JAKMIP1: variants seen among roughly 807,000 people sequenced by gnomAD.
JAKMIP1 encodes the protein janus kinase and microtubule-interacting protein 1.
In JAKMIP1, 33 loss-of-function variants were observed where a neutral mutation model predicts 113.0. The ratio of observed to expected loss-of-function variants is 0.29; its 90% confidence interval spans 0.22 to 0.39. JAKMIP1 has a LOEUF of 0.39. JAKMIP1 is among the 10% of genes least tolerant of loss of function. The pLI is 1.00. For synonymous variants in JAKMIP1, 480 were observed against 459.9 expected, an observed-to-expected ratio of 1.04 and a Z score of -0.56; for missense variants, 813 against 1,080.5, an observed-to-expected ratio of 0.75 and a Z score of 3.47.
intron 1 of JAKMIP1, among the ~76,000 whole-genome samples, chr4:6,118,443 G>A (rs909293144): frequency 3.9e-5 from 6 of 152,152 alleles, no homozygotes; most frequent in Non-Finnish European, 7.3e-5. Flanking sequence ...CAAGGGGCAT[G>A]TGGTGTCAGA....
In JAKMIP1 at chr4:6,148,090, G is replaced by A. The variant is rs112762825; in HGVS notation, c.-147-35093C>T. 3.1e-3 allele frequency among the ~76,000 whole-genome samples: 470 copies of A among 152,278 alleles called. 3 individuals carry two copies. The highest frequency in any genetic ancestry group is 0.011 in the African/African-American group (447 of 41,560). On this transcript the variant is annotated intron_variant, in intron 1 of 20. Transcript: ENST00000409021. ...ACTAAGCAGGTGCTCAGAGAATAGC[G>A]AGTGCAGAAGTGAAAATTAGGCCTG...
chr4:6,074,406 C>A (rs1384557651), intron 8 of JAKMIP1, among the ~76,000 whole-genome samples: 1 of 152,172 alleles, frequency 6.6e-6, no homozygotes, highest in Non-Finnish European at 1.5e-5. Flanking sequence ...CTGGAAAGTT[C>A]TGGAACTTTC....
intron 8 of JAKMIP1, among the ~76,000 whole-genome samples, chr4:6,071,782 C>T (rs2108804361): frequency 6.6e-6 from 1 of 152,282 alleles, no homozygotes; most frequent in African/African-American, 2.4e-5. Flanking sequence ...GCATGTGGTC[C>T]AGGACACAGC....
At position 6,183,666 on chromosome 4, in the gene JAKMIP1, C is replaced by A. The variant is rs541195071; in HGVS notation, c.-148+16587G>T. 1.3e-5 allele frequency among the ~76,000 whole-genome samples: 2 copies of A among 152,026 alleles called. No individual in the cohort carries two copies. The highest frequency in any genetic ancestry group is 4.2e-4 in the South Asian group (2 of 4,816). On this transcript the variant is annotated intron_variant, in intron 1 of 20. Coordinates refer to ENST00000409021, the MANE Select transcript of JAKMIP1 (RefSeq NM_001099433.2). This position sits in a 1 kb window ranked among gnomAD's most constrained non-coding sequence, Gnocchi z 5.3. ...GCAACAGATGCTTGACTTCTTTTTT[C>A]TAGGTGTAATAATTTTAAACTGTGA...
At chr4:6,053,905 AAAAAG>A in intron 13 of JAKMIP1, 140 bp downstream of exon 13, 5 of 1,534,706 alleles carry the variant, frequency 3.3e-6, no homozygotes, top group Non-Finnish European at 3.5e-6. Flanking sequence ...ATTTAAAAAA[AAAAAG>A]AAAGAAAGAA....
rs1291392423 is a variant in JAKMIP1 at position 6,085,307 on chromosome 4, T to C, written c.834+113A>G. On this transcript the variant is annotated intron_variant, in intron 4 of 20. Transcript: ENST00000409021. ...AACATCCCCTCCAATACTGAGTGAA[T>C]GAATGAATGAGTGAATACATGCCAC... The C allele has an allele frequency of 8.5e-5, 76 of 892,888 alleles. 1 individual carries two copies. Among genetic ancestry groups the C allele is most frequent in the Non-Finnish European group, 1.3e-4 (75 of 593,392 alleles). 55.3% of individuals were successfully genotyped at this position (892,888 alleles called of 1,614,324 possible). A position where few individuals can be genotyped will look rare whatever the true frequency, so the allele number is the denominator to read the frequency against.
intron 8 of JAKMIP1, among the ~76,000 whole-genome samples, chr4:6,071,410 G>A (rs748078510): frequency 7.2e-5 from 11 of 152,106 alleles, no homozygotes; most frequent in Non-Finnish European, 1.0e-4. Flanking sequence ...CCCTCCCCAC[G>A]GGGCCTGAAG....
In JAKMIP1 at chr4:6,089,085, C is replaced by A. The variant is rs945801222; in HGVS notation, c.625-3456G>T. On this transcript the variant is annotated intron_variant, in intron 3 of 20. Transcript: ENST00000409021. This position sits in a 1 kb window ranked among gnomAD's most constrained non-coding sequence, Gnocchi z 5.3. ...TTTTCTTTAGGAGCTAAGAAAGGGA[C>A]TCTGGGCTGTGTGGTGTGAGAATGT... Among the ~76,000 whole-genome samples the A allele has an allele frequency of 2.0e-5, 3 of 152,172 alleles. No homozygotes were observed. Among genetic ancestry groups the A allele is most frequent in the Non-Finnish European group, 4.4e-5 (3 of 68,036 alleles).
In JAKMIP1 at chr4:6,061,175, T is replaced by A. The variant is rs1717225401; in HGVS notation, c.1561-668A>T. 6.6e-6 allele frequency among the ~76,000 whole-genome samples: 1 copy of A among 152,202 alleles called. No homozygotes were observed. Among genetic ancestry groups the A allele is most frequent in the Non-Finnish European group, 1.5e-5 (1 of 68,032 alleles). On this transcript the variant is annotated intron_variant, in intron 10 of 20. Transcript: ENST00000409021. The surrounding 1 kb of genome is among the most constrained non-coding windows in gnomAD (Gnocchi z 5.3). ...TTCAAGAGAGGTCAGGAACCTGGAT[T>A]TCTCTATAGAATCTCTTGATTTTTA...
intron 4 of JAKMIP1, 118 bp downstream of exon 4, chr4:6,085,302 G>GTAAA: frequency 1.2e-6 from 1 of 814,328 alleles, no homozygotes; most frequent in Non-Finnish European, 1.9e-6. Context: ...CCAATACTGA[G>GTAAA]TGAATGAATG....
chr4:6,044,329 T>G lies in JAKMIP1; in HGVS notation c.2029-2102A>C, dbSNP rs1205938361. Among the ~76,000 whole-genome samples, 1 of 152,208 alleles carries G rather than the reference T, an allele frequency of 6.6e-6. No homozygotes were observed. The highest frequency in any genetic ancestry group is 6.5e-5 in the Admixed American group (1 of 15,302). On this transcript the variant is annotated intron_variant, in intron 16 of 20. Transcript: ENST00000409021. This position sits in a 1 kb window ranked among gnomAD's most constrained non-coding sequence, Gnocchi z 4.4. ...TAAACTTCTGTCGAATGAAGGAGAATCAAGGCTGTGCAGGTTGGTGGGGTG... is the reference window on the plus strand; with the variant it reads ...TAAACTTCTGTCGAATGAAGGAGAAGCAAGGCTGTGCAGGTTGGTGGGGTG...
rs138043993 is a variant in JAKMIP1, at chr4:6,108,924, A to G, written c.130-2957T>C. ...TATTTACAGGTATGCGTACATACGC[A>G]GGTCAGTATACACATATATATTCCT... On this transcript the variant is annotated intron_variant, in intron 2 of 20. Transcript: ENST00000409021. The surrounding 1 kb of genome is among the most constrained non-coding windows in gnomAD (Gnocchi z 5.6). Among the ~76,000 whole-genome samples the G allele has an allele frequency of 3.7e-3, 559 of 152,342 alleles. 1 individual carries two copies. Among genetic ancestry groups the G allele is most frequent in the African/African-American group, 0.013 (527 of 41,574 alleles).
In JAKMIP1 at chr4:6,194,256, C is replaced by A. The variant is rs939042803; in HGVS notation, c.-148+5997G>T. On this transcript the variant is annotated intron_variant, in intron 1 of 20. Coordinates refer to ENST00000409021, the MANE Select transcript of JAKMIP1 (RefSeq NM_001099433.2). The surrounding 1 kb of genome is among the most constrained non-coding windows in gnomAD (Gnocchi z 7.4). Reference sequence around the variant, plus strand: ...ACATCGTGAATGCAGTAAATGCCACCGAATTGTACCATTGAAAACGGTTTA... The same window carrying A: ...ACATCGTGAATGCAGTAAATGCCACAGAATTGTACCATTGAAAACGGTTTA... Among the ~76,000 whole-genome samples the A allele has an allele frequency of 1.3e-5, 2 of 152,004 alleles. No individual in the cohort carries two copies. Among genetic ancestry groups the A allele is most frequent in the Non-Finnish European group, 2.9e-5 (2 of 68,022 alleles).
chr4:6,062,802 C>T (rs1717493989), intron 9 of JAKMIP1, among the ~76,000 whole-genome samples: 1 of 152,218 alleles, frequency 6.6e-6, no homozygotes. Flanking sequence ...CAAAGGTCTC[C>T]ATTGTAAAGG....
chr4:6,158,191 T>C lies in JAKMIP1; in HGVS notation c.-148+42062A>G, dbSNP rs916918446. 2.0e-5 allele frequency among the ~76,000 whole-genome samples: 3 copies of C among 148,498 alleles called. No homozygotes were observed. Among genetic ancestry groups the C allele is most frequent in the African/African-American group, 5.3e-5 (2 of 38,076 alleles). On this transcript the variant is annotated intron_variant, in intron 1 of 20. Transcript: ENST00000409021. The surrounding 1 kb of genome is among the most constrained non-coding windows in gnomAD (Gnocchi z 5.3). ...ACAGTGTGGAGGGCAGACCATGCTG[T>C]AGGTCATGCAGTGCACGCTCCATAC...
In JAKMIP1 at chr4:6,105,502, G is replaced by A; in HGVS notation, c.595C>T (p.Arg199Cys). Residue 199 changes from arginine to cysteine, a missense_variant, in exon 3 of 21, where the codon CGC (arginine) becomes TGC (cysteine). By Grantham distance (180) the Arg-to-Cys change is radical. This residue lies in a region of JAKMIP1 where 540 missense variants were observed against 653.9 expected (regional missense o/e 0.83). Coordinates refer to ENST00000409021, the MANE Select transcript of JAKMIP1 (RefSeq NM_001099433.2). ...CTGCGGATGTCGCGCTCGCACTCGC[G>A]CTTGATGCGGTGCACCTCGTCTTGG... ...AHQDEVHRIKRECERDIRRLM... is the reference protein window; with the variant it reads ...AHQDEVHRIKCECERDIRRLM... The A allele has an allele frequency of 6.2e-7, 1 of 1,608,604 alleles. No individual in the cohort carries two copies. The highest frequency in any genetic ancestry group is 8.5e-7 in the Non-Finnish European group (1 of 1,178,232).
chr4:6,083,811 A>G (rs898599905), intron 5 of JAKMIP1, among the ~76,000 whole-genome samples: 1 of 152,178 alleles, frequency 6.6e-6, no homozygotes, highest in African/African-American at 2.4e-5. Context: ...ATCAACTGCC[A>G]TTACATAAAA....
intron 11 of JAKMIP1, among the ~76,000 whole-genome samples, chr4:6,058,178 C>T (rs747507282): frequency 1.3e-5 from 2 of 152,232 alleles, no homozygotes; most frequent in African/African-American, 4.8e-5. Flanking sequence ...GCAGGCCACA[C>T]AGAGAGGACC....
At chr4:6,029,982 T>C (rs2108741882) in intron 19 of JAKMIP1, among the ~76,000 whole-genome samples, 1 of 152,282 alleles carries the variant, frequency 6.6e-6, no homozygotes, top group Middle Eastern at 3.4e-3. Context: ...CCAGGAGGCC[T>C]TGGTCCCCCG....
Sources: allele counts gnomAD v4.1 joint callset (sites outside exome capture counted in the v4.1 genomes callset), GRCh38; gene constraint gnomAD v4.1.1; regional missense constraint gnomAD v4.1.1; non-coding constraint Gnocchi (gnomAD v3.1); transcripts MANE v1.5; gene names NCBI Gene and HGNC (gene_info 2026-07-23, HGNC 2026-07-21).